NFIB: variants seen among roughly 807,000 people sequenced by gnomAD.
NFIB encodes nuclear factor 1 B-type.
A neutral mutation model predicts 61.5 loss-of-function variants in NFIB; 11 were observed. The ratio of observed to expected loss-of-function variants is 0.18; its 90% CI spans 0.11 to 0.30. The LOEUF is 0.30. Among genes scored for constraint, NFIB ranks in the 10% least tolerant of loss-of-function variants. NFIB has a pLI of 1.00. For synonymous variants in NFIB, 260 were observed against 216.5 expected, an observed-to-expected ratio of 1.20 and a Z score of -1.76; for missense variants, 471 against 608.9, an observed-to-expected ratio of 0.77 and a Z score of 2.38.
chr9:14,122,181 T>TG (rs1019493330), intron 7 of NFIB, among the ~76,000 whole-genome samples: 103 of 4,636 alleles, frequency 0.022, no homozygotes, highest in African/African-American at 0.065. Flanking sequence ...ACTATGTGGG[T>TG]GGGGGGGTGG....
At chr9:14,438,040 G>T in the NFIB span, among the ~76,000 whole-genome samples, 1 of 151,386 alleles carries the variant, frequency 6.6e-6, no homozygotes, top group East Asian at 1.9e-4. Context: ...GCGCGTATGT[G>T]CGTGCGTGTG....
chr9:14,483,843 T>C, the NFIB span, among the ~76,000 whole-genome samples: 7 of 152,344 alleles, frequency 4.6e-5, no homozygotes, highest in Non-Finnish European at 1.0e-4. Flanking sequence ...TATCAAATGT[T>C]ACAAGAAATA....
At chr9:14,485,670 T>A in the NFIB span, among the ~76,000 whole-genome samples, 1 of 151,830 alleles carries the variant, frequency 6.6e-6, no homozygotes, top group Non-Finnish European at 1.5e-5. Flanking sequence ...AGGTCAGGAG[T>A]TCGAGACCAG....
rs138081646 is a variant in NFIB, at chr9:14,153,905, T to C, written c.685+1920A>G. Among the ~76,000 whole-genome samples the C allele has an allele frequency of 8.5e-5, 13 of 152,278 alleles. No individual in the cohort carries two copies. The East Asian group carries it at 2.5e-3, about 29-fold the overall frequency. ...ACTTATCAGGCCTTTCAGAGACACC[T>C]ATTTACATATGGAGGAGAAAATAAA... On this transcript the variant is annotated intron_variant, in intron 4 of 10. Coordinates refer to ENST00000380953, the MANE Select transcript of NFIB (RefSeq NM_001190737.2).
At chr9:14,360,900 C>G (rs1332558827) in intron 1 of NFIB, among the ~76,000 whole-genome samples, 1 of 151,888 alleles carries the variant, frequency 6.6e-6, no homozygotes, top group Non-Finnish European at 1.5e-5. Flanking sequence ...TAATTTTGTA[C>G]CTTTTGATAA....
chr9:14,348,937 G>A (rs1216094435), intron 1 of NFIB, among the ~76,000 whole-genome samples: 1 of 152,236 alleles, frequency 6.6e-6, no homozygotes, highest in Non-Finnish European at 1.5e-5. Context: ...GGCTTCCTGG[G>A]CTCCCGCCCC....
intron 1 of NFIB, chr9:14,361,696 T>C (rs1354965043): frequency 6.6e-6 from 1 of 152,230 alleles, no homozygotes; most frequent in Non-Finnish European, 1.5e-5. Context: ...GATCATTCAA[T>C]ATGAAGTTAA....
chr9:14,234,533 C>T (rs2131973950), intron 2 of NFIB, among the ~76,000 whole-genome samples: 1 of 152,012 alleles, frequency 6.6e-6, no homozygotes, highest in South Asian at 2.1e-4. Context: ...CCACGCCCAG[C>T]TAATTTTTGT....
chr9:14,214,255 G>A (rs1255701330), intron 2 of NFIB, among the ~76,000 whole-genome samples: 1 of 152,202 alleles, frequency 6.6e-6, no homozygotes, highest in African/African-American at 2.4e-5. Context: ...CAGGTCCTGA[G>A]CATGCTCAAG....
intron 9 of NFIB, among the ~76,000 whole-genome samples, chr9:14,113,722 A>G (rs1442222577): frequency 6.6e-6 from 1 of 152,244 alleles, no homozygotes; most frequent in Non-Finnish European, 1.5e-5. Context: ...ATAAGCACAC[A>G]TACAAAAATC....
At chr9:14,531,887 A>G in the NFIB span, 1 of 152,190 alleles carries the variant, frequency 6.6e-6, no homozygotes, top group East Asian at 1.9e-4. Flanking sequence ...GGAGCTCGAA[A>G]GGAAGAAGGG....
In NFIB at chr9:14,204,616, G is replaced by A. The variant is rs192858781; in HGVS notation, c.563-24836C>T. 339 of 776,556 alleles carry A rather than the reference G, an allele frequency of 4.4e-4. 4 individuals are homozygous for A. In the African/African-American group the frequency reaches 4.6e-3, roughly 10 times the overall value. The allele number at this position is 776,556 out of a possible 1,614,324, so 48.1% of individuals were successfully genotyped here. The stretch of plus-strand genomic sequence containing the variant: ...TGGCCCGGGCGGAGAAGAAAGCGCC[G>A]GCAAAGGGGACCTCCCCACTAAGAA... On this transcript the variant is annotated intron_variant, in intron 2 of 10. Coordinates refer to ENST00000380953, the MANE Select transcript of NFIB (RefSeq NM_001190737.2).
chr9:14,173,875 C>A (rs989556267), intron 3 of NFIB, among the ~76,000 whole-genome samples: 3 of 152,258 alleles, frequency 2.0e-5, no homozygotes, highest in East Asian at 3.9e-4. Context: ...TTAAGTATTA[C>A]AAATAATCAG....
At chr9:14,155,001 A>G (rs890253352) in intron 4 of NFIB, among the ~76,000 whole-genome samples, 2 of 152,168 alleles carry the variant, frequency 1.3e-5, no homozygotes, top group African/African-American at 2.4e-5. Flanking sequence ...GTGTGACTAC[A>G]TCATCTGAAT....
rs181246212 is a variant in NFIB, at chr9:14,258,244, T to C, written c.562+48745A>G. 3.3e-5 allele frequency among the ~76,000 whole-genome samples: 5 copies of C among 152,352 alleles called. No individual in the cohort carries two copies. In the East Asian group the frequency reaches 7.7e-4, roughly 24 times the overall value. On this transcript the variant is annotated intron_variant, in intron 2 of 10. Coordinates refer to ENST00000380953, the MANE Select transcript of NFIB (RefSeq NM_001190737.2). ...TTATTCCAACATGCAATTTAACCAA[T>C]AGGCTGTTTAACCTTGGATACTTAT... is the stretch of plus-strand genomic sequence containing the variant.
At chr9:14,109,914 C>A (rs1057302323) in intron 10 of NFIB, among the ~76,000 whole-genome samples, 5 of 151,968 alleles carry the variant, frequency 3.3e-5, no homozygotes, top group African/African-American at 1.2e-4. Context: ...CAGTTAGCAA[C>A]CAATGCCATC....
At chr9:14,101,705 C>A (rs2035810137) in intron 10 of NFIB, among the ~76,000 whole-genome samples, 2 of 152,158 alleles carry the variant, frequency 1.3e-5, no homozygotes, top group Non-Finnish European at 2.9e-5. Context: ...TACATAAGCG[C>A]AGCTGACTTT....
At chr9:14,367,725 T>A (rs1322109917) in intron 1 of NFIB, among the ~76,000 whole-genome samples, 1 of 152,166 alleles carries the variant, frequency 6.6e-6, no homozygotes, top group African/African-American at 2.4e-5. Flanking sequence ...TCATGTCCTT[T>A]GCAGGGACAT....
intron 2 of NFIB, among the ~76,000 whole-genome samples, chr9:14,210,466 C>T (rs188160166): frequency 3.1e-3 from 472 of 151,864 alleles, no homozygotes; most frequent in Non-Finnish European, 4.8e-3. Flanking sequence ...CCAAAAAAAA[C>T]AGAATTGCTT....
Sources: gnomAD v4.1 joint callset for allele counts (sites outside exome capture counted in the v4.1 genomes callset) on GRCh38, gnomAD v4.1.1 for gene constraint, MANE v1.5 for transcripts, NCBI Gene and HGNC (gene_info 2026-07-23, HGNC 2026-07-21) for gene names.